The following TMOD1 variants were observed in gnomAD, a reference collection of about 807,000 sequenced individuals.
The protein encoded by TMOD1 is tropomodulin 1.
A neutral mutation model predicts 40.6 loss-of-function variants in TMOD1; 17 were observed. That is an observed-to-expected ratio of 0.42 (90% confidence interval 0.29 to 0.63). The LOEUF is 0.63. TMOD1 is among the 20% of genes least tolerant of loss of function. The pLI is 0.22. For missense variants in TMOD1, 391 were observed against 447.6 expected, an observed-to-expected ratio of 0.87 and a Z score of 1.14; for synonymous variants, 181 against 175.0, an observed-to-expected ratio of 1.03 and a Z score of -0.27.
chr9:97,522,523 G>T (rs1329153290), intron 1 of TMOD1, among the ~76,000 whole-genome samples: 1 of 152,040 alleles, frequency 6.6e-6, no homozygotes, highest in South Asian at 2.1e-4. Flanking sequence ...GATACTGGGG[G>T]TTAGAACTTC....
chr9:97,514,957 G>A (rs933041863), intron 1 of TMOD1, among the ~76,000 whole-genome samples: 4 of 152,188 alleles, frequency 2.6e-5, no homozygotes, highest in Admixed American at 2.0e-4. Flanking sequence ...TCCTGGGTGT[G>A]ATAAGAGAAA....
chr9:97,519,927 CCCCATGAT>C (rs1829889169), intron 1 of TMOD1, among the ~76,000 whole-genome samples: 1 of 152,114 alleles, frequency 6.6e-6, no homozygotes, highest in South Asian at 2.1e-4. Flanking sequence ...CTGCTTGCTA[CCCCATGAT>C]CCTCACAATA....
rs923904196 is a variant in TMOD1 at position 97,513,152 on chromosome 9, C to A, written c.-48-10989C>A. ...TGGGTCTACAGTCACCGGAGAGCCC[C>A]ACATCTTTCTCATGGCTGCTCAGCC... On this transcript the variant is annotated intron_variant, in intron 1 of 9. Transcript: ENST00000259365. This position sits in a 1 kb window ranked among gnomAD's most constrained non-coding sequence, Gnocchi z 4.1. 4.6e-5 allele frequency: 7 copies of A among 152,200 alleles called. No individual in the cohort carries two copies. Among genetic ancestry groups the A allele is most frequent in the African/African-American group, 1.7e-4 (7 of 41,428 alleles). 9.4% of individuals were successfully genotyped at this position (152,200 alleles called of 1,614,324 possible).
chr9:97,568,347 G>A (rs1391302857), intron 7 of TMOD1, among the ~76,000 whole-genome samples: 2 of 152,176 alleles, frequency 1.3e-5, no homozygotes, highest in African/African-American at 4.8e-5. Flanking sequence ...GACAACACCA[G>A]TATGAAAACA....
At chr9:97,566,136 C>T (rs1830724494) in intron 7 of TMOD1, among the ~76,000 whole-genome samples, 181 bp downstream of exon 7, 1 of 152,142 alleles carries the variant, frequency 6.6e-6, no homozygotes, top group Non-Finnish European at 1.5e-5. Flanking sequence ...GCACCACCTA[C>T]ACGTCATCCT....
At chr9:97,596,575 A>G (rs929327779) in intron 9 of TMOD1, among the ~76,000 whole-genome samples, 4 of 152,192 alleles carry the variant, frequency 2.6e-5, no homozygotes, top group African/African-American at 9.7e-5. Context: ...ATTACCCACA[A>G]TCCGTGGGCA....
chr9:97,514,600 TC>T (rs1470718780), intron 1 of TMOD1, among the ~76,000 whole-genome samples: 2 of 152,136 alleles, frequency 1.3e-5, no homozygotes, highest in Non-Finnish European at 2.9e-5. Flanking sequence ...CCATTCAGCC[TC>T]CCACTTCCCA....
chr9:97,576,232 G>T (rs1255068231), intron 8 of TMOD1, among the ~76,000 whole-genome samples: 1 of 152,128 alleles, frequency 6.6e-6, no homozygotes, highest in Non-Finnish European at 1.5e-5. Context: ...CTAGAGACCA[G>T]GAGTTCAAGA....
intron 8 of TMOD1, among the ~76,000 whole-genome samples, chr9:97,580,149 G>A (rs958658679): frequency 1.3e-5 from 2 of 152,204 alleles, no homozygotes; most frequent in Non-Finnish European, 2.9e-5. Context: ...AGTGGGGCAC[G>A]AGGCAGGGCC....
chr9:97,535,795 G>A (rs747871770), intron 2 of TMOD1, among the ~76,000 whole-genome samples: 60 of 152,330 alleles, frequency 3.9e-4, no homozygotes, highest in African/African-American at 1.4e-3. Context: ...TTTGGACGTC[G>A]GCATTAATGC....
intron 4 of TMOD1, 25 bp from the exon 5 acceptor site, chr9:97,562,707 A>C: frequency 6.6e-7 from 1 of 1,509,216 alleles, no homozygotes; most frequent in Non-Finnish European, 8.8e-7. Flanking sequence ...GAGGCACATC[A>C]TGAGCCCTTC....
chr9:97,564,559 G>A (rs1194731190), intron 6 of TMOD1, among the ~76,000 whole-genome samples: 2 of 152,166 alleles, frequency 1.3e-5, no homozygotes, highest in African/African-American at 4.8e-5. Context: ...CACTAGGCTC[G>A]GGGGTAACAC....
chr9:97,565,715 T>G, intron 6 of TMOD1, 133 bp from the exon 7 acceptor site: 1 of 696,240 alleles, frequency 1.4e-6, no homozygotes, highest in Non-Finnish European at 2.5e-6. Context: ...GGACAAAGCC[T>G]AAACCTTTTG....
At chr9:97,504,489 G>C (rs894357845) in intron 1 of TMOD1, among the ~76,000 whole-genome samples, 3 of 152,208 alleles carry the variant, frequency 2.0e-5, no homozygotes, top group African/African-American at 7.2e-5. Context: ...GAACCCAGGA[G>C]AGGGGAGAGA....
At chr9:97,551,539 C>CT (rs1188612903) in intron 3 of TMOD1, among the ~76,000 whole-genome samples, 2 of 152,176 alleles carry the variant, frequency 1.3e-5, no homozygotes, top group African/African-American at 4.8e-5. Context: ...TTTCTGGACT[C>CT]TGAATTCTAT....
At chr9:97,584,817 T>C (rs1290780919) in intron 8 of TMOD1, among the ~76,000 whole-genome samples, 2 of 152,230 alleles carry the variant, frequency 1.3e-5, no homozygotes, top group Admixed American at 1.3e-4. Flanking sequence ...GAGACTAGGA[T>C]TGCAACAACC....
chr9:97,525,038 C>T (rs1587920368), intron 2 of TMOD1, among the ~76,000 whole-genome samples: 1 of 152,180 alleles, frequency 6.6e-6, no homozygotes, highest in Non-Finnish European at 1.5e-5. Context: ...CCCTTGTCAA[C>T]TTGGCACACA....
At chr9:97,573,749 C>A (rs907193923) in intron 8 of TMOD1, among the ~76,000 whole-genome samples, 1 of 152,146 alleles carries the variant, frequency 6.6e-6, no homozygotes, top group Non-Finnish European at 1.5e-5. Context: ...AGTGTCCTCA[C>A]AATATGGCAG....
chr9:97,510,720 G>A (rs10759742), intron 1 of TMOD1, among the ~76,000 whole-genome samples: 91,117 of 151,960 alleles, frequency 0.6, 27,484 homozygotes, highest in Middle Eastern at 0.7. Flanking sequence ...TCTTGTGGGA[G>A]TAGGGGTGCC....
Sources: allele counts gnomAD v4.1 joint callset (sites outside exome capture counted in the v4.1 genomes callset), GRCh38; gene constraint gnomAD v4.1.1; non-coding constraint Gnocchi (gnomAD v3.1); transcripts MANE v1.5; gene names NCBI Gene and HGNC (gene_info 2026-07-23, HGNC 2026-07-21).